COP1: variants seen among roughly 807,000 people sequenced by gnomAD.
COP1 encodes E3 ubiquitin-protein ligase COP1.
A neutral mutation model predicts 101.3 loss-of-function variants in COP1; 24 were observed. That is an observed-to-expected ratio of 0.24 (90% CI 0.17 to 0.33). COP1 has a LOEUF of 0.33. Ranked by LOEUF, COP1 falls within the 10% of genes least tolerant of loss-of-function variation. The probability of loss-of-function intolerance (pLI) is 1.00; values close to 1 mark genes in which losing one functional copy is unlikely to be tolerated. For synonymous variants in COP1, 347 were observed against 341.9 expected, an observed-to-expected ratio of 1.01 and a Z score of -0.17; for missense variants, 663 against 906.2, an observed-to-expected ratio of 0.73 and a Z score of 3.45.
intron 1 of COP1, among the ~76,000 whole-genome samples, chr1:176,193,902 A>C (rs1325416782): frequency 6.6e-6 from 1 of 152,236 alleles, no homozygotes; most frequent in African/African-American, 2.4e-5. Flanking sequence ...AACTGTACTA[A>C]AAACACAACT....
intron 11 of COP1, 71 bp downstream of exon 11, chr1:176,081,081 A>G (rs1679050763): frequency 7.6e-7 from 1 of 1,314,370 alleles, no homozygotes; most frequent in East Asian, 2.4e-5. Context: ...ATAATGGTAT[A>G]AGTGCTTCTC....
At chr1:176,116,945 A>G (rs571326979) in intron 8 of COP1, among the ~76,000 whole-genome samples, 11 of 152,338 alleles carry the variant, frequency 7.2e-5, no homozygotes, top group African/African-American at 2.4e-4. Context: ...GCAGATGTCT[A>G]TATAGATTTA....
chr1:176,031,267 C>T (rs1282387566), intron 14 of COP1, among the ~76,000 whole-genome samples: 1 of 152,092 alleles, frequency 6.6e-6, no homozygotes. Context: ...TATTTAATAT[C>T]CTAAGATGGC....
rs1413836896 is a variant in COP1 at position 176,064,539 on chromosome 1, C to T, written c.1277+16613G>A. 3.3e-5 allele frequency among the ~76,000 whole-genome samples: 5 copies of T among 152,194 alleles called. No individual in the cohort carries two copies. The East Asian group carries it at 7.7e-4, about 23-fold the overall frequency. ...ACATTAGTTACCACACTCTAATACA[C>T]CTCAATGATCTCAGGGTGTATTAAA... On this transcript the variant is annotated intron_variant, in intron 11 of 19. Coordinates refer to ENST00000367669, the MANE Select transcript of COP1 (RefSeq NM_022457.7).
intron 1 of COP1, among the ~76,000 whole-genome samples, chr1:176,198,196 G>A (rs1699902702): frequency 6.6e-6 from 1 of 152,042 alleles, no homozygotes; most frequent in African/African-American, 2.4e-5. Flanking sequence ...AAACAACTTT[G>A]AAATAAAGGA....
rs1428279033 is a variant in COP1, at chr1:176,063,045, A to AT, written c.1278-16722dup. Among the ~76,000 whole-genome samples the AT allele has an allele frequency of 1.2e-3, 113 of 95,988 alleles. 2 individuals are homozygous for AT. The highest frequency in any genetic ancestry group is 3.4e-3 in the South Asian group (9 of 2,660). 63.0% of individuals were successfully genotyped at this position (95,988 alleles called of 152,430 possible). A position where few individuals can be genotyped will look rare whatever the true frequency, so the allele number is the denominator to read the frequency against. On this transcript the variant is annotated intron_variant, in intron 11 of 19. Transcript: ENST00000367669. The stretch of plus-strand genomic sequence containing the variant: ...GTGGTGGAAGAGAAAATTTTTGAAA[A>AT]TGTTTTTTTTTTTTTTTTTTTTTTT...
chr1:176,005,164 T>C (rs1320691639), intron 15 of COP1, among the ~76,000 whole-genome samples: 1 of 152,192 alleles, frequency 6.6e-6, no homozygotes. Flanking sequence ...TATTCTCTGA[T>C]GGTAGTTTGT....
At chr1:176,108,140 T>A (rs538429855) in intron 9 of COP1, among the ~76,000 whole-genome samples, 41 of 152,286 alleles carry the variant, frequency 2.7e-4, no homozygotes, top group African/African-American at 8.2e-4. Context: ...ATCAATTTTT[T>A]AATTTTGCTA....
intron 11 of COP1, among the ~76,000 whole-genome samples, chr1:176,074,791 GAAAAA>G (rs79480972): frequency 2.8e-5 from 3 of 107,290 alleles, no homozygotes; most frequent in African/African-American, 1.1e-4. Flanking sequence ...TTTCAGGAAT[GAAAAA>G]AAAAAAAAAA....
intron 7 of COP1, among the ~76,000 whole-genome samples, chr1:176,136,201 T>C (rs911373967): frequency 6.6e-6 from 1 of 152,096 alleles, no homozygotes; most frequent in East Asian, 1.9e-4. Flanking sequence ...TAATTGACAG[T>C]TTTAAGTTAT....
intron 9 of COP1, among the ~76,000 whole-genome samples, chr1:176,086,945 A>T (rs1558079346): frequency 6.6e-6 from 1 of 152,218 alleles, no homozygotes. Flanking sequence ...ATGCCTCAGA[A>T]ATAACACCAC....
At chr1:176,046,468 CAT>C (rs1671537039) in intron 11 of COP1, 144 bp from the exon 12 acceptor site, 2 of 711,434 alleles carry the variant, frequency 2.8e-6, no homozygotes, top group Non-Finnish European at 4.6e-6. Flanking sequence ...GTAATCAACA[CAT>C]ATCAAATTAA....
At chr1:176,147,969 G>A (rs1022167208) in intron 6 of COP1, among the ~76,000 whole-genome samples, 15 of 152,026 alleles carry the variant, frequency 9.9e-5, no homozygotes, top group Admixed American at 6.6e-4. Context: ...GCGCGATCTC[G>A]GCTCACCACA....
At position 176,036,881 on chromosome 1, in the gene COP1, G is replaced by T. The variant is rs953027485; in HGVS notation, c.1612+6305C>A. On this transcript the variant is annotated intron_variant, in intron 14 of 19. Coordinates refer to ENST00000367669, the MANE Select transcript of COP1 (RefSeq NM_022457.7). Reference sequence around the variant, plus strand: ...GACTTATTGGGACTGTAATCCCATTGTAAGTGGAGGAGCATTTTATGGACT... The same window carrying T: ...GACTTATTGGGACTGTAATCCCATTTTAAGTGGAGGAGCATTTTATGGACT... Among the ~76,000 whole-genome samples the T allele has an allele frequency of 5.9e-5, 9 of 152,162 alleles. No individual in the cohort carries two copies. The South Asian group carries it at 1.9e-3, about 32-fold the overall frequency.
chr1:176,099,127 C>G (rs1383757612), intron 9 of COP1, among the ~76,000 whole-genome samples: 2 of 138,638 alleles, frequency 1.4e-5, no homozygotes, highest in African/African-American at 2.4e-5. Context: ...CTGTAACTAC[C>G]CTGGACATTT....
At chr1:176,122,397 G>A (rs1431541575) in intron 8 of COP1, among the ~76,000 whole-genome samples, 2 of 151,982 alleles carry the variant, frequency 1.3e-5, no homozygotes, top group African/African-American at 4.8e-5. Context: ...GGCAGGAAAG[G>A]AATATGACTA....
At chr1:175,958,403 T>C (rs1003874491) in intron 18 of COP1, among the ~76,000 whole-genome samples, 1 of 151,940 alleles carries the variant, frequency 6.6e-6, no homozygotes, top group Admixed American at 6.6e-5. Flanking sequence ...ATTTCAGCTA[T>C]GAAGCTAAAT....
intron 10 of COP1, among the ~76,000 whole-genome samples, chr1:176,081,913 T>G (rs1010554825): frequency 6.6e-6 from 1 of 152,170 alleles, no homozygotes; most frequent in Non-Finnish European, 1.5e-5. Flanking sequence ...GAAAAAATAT[T>G]CATTCAAATC....
At chr1:176,018,218 G>A (rs1378948278) in intron 15 of COP1, among the ~76,000 whole-genome samples, 1 of 152,146 alleles carries the variant, frequency 6.6e-6, no homozygotes, top group Non-Finnish European at 1.5e-5. Flanking sequence ...ACAAGCAATT[G>A]TGATATTCTC....
Sources: allele counts gnomAD v4.1 joint callset (sites outside exome capture counted in the v4.1 genomes callset), GRCh38; gene constraint gnomAD v4.1.1; transcripts MANE v1.5; gene names NCBI Gene and HGNC (gene_info 2026-07-23, HGNC 2026-07-21).